The following FEZF1 variants were observed in gnomAD, a reference collection of about 807,000 sequenced individuals.
FEZF1 encodes fez family zinc finger protein 1.
Under a neutral mutation model 32.4 loss-of-function variants are expected in FEZF1, and 8 were observed. The ratio of observed to expected loss-of-function variants is 0.25; its 90% CI spans 0.15 to 0.45. FEZF1 has a LOEUF of 0.45. FEZF1 is among the 20% of genes least tolerant of loss of function. FEZF1 has a pLI of 1.00. For synonymous variants in FEZF1, 259 were observed against 265.2 expected (o/e 0.98, Z 0.23); for missense variants, 546 against 622.3 (o/e 0.88, Z 1.31).
upstream of FEZF1, among the ~76,000 whole-genome samples, chr7:122,307,768 CTTGAGTT>C (rs2031324689): frequency 6.6e-6 from 1 of 152,220 alleles, no homozygotes; most frequent in African/African-American, 2.4e-5. Flanking sequence ...TTAAGATGGC[CTTGAGTT>C]TACTAAAGAC....
Position 122,302,122 on chromosome 7 carries a change from C to CA in FEZF1, c.1302dup (p.Gly435TrpfsTer6). The CA allele has an allele frequency of 1.2e-6, 2 of 1,613,904 alleles. No individual in the cohort carries two copies. The highest frequency in any genetic ancestry group is 1.7e-6 in the Non-Finnish European group (2 of 1,179,944). Reference sequence around the variant, plus strand: ...GGCGGCGGTTCAGTGCCTGGTTCGCCAGCTGGCGTGCGGGCCAGCCCCAGG... The same window carrying CA: ...GGCGGCGGTTCAGTGCCTGGTTCGCCAAGCTGGCGTGCGGGCCAGCCCCAGG... On this transcript the variant is annotated frameshift_variant, in exon 4 of 4. Transcript: ENST00000442488. LOFTEE classifies it high-confidence loss of function. This position sits in a 1 kb window ranked among gnomAD's most constrained non-coding sequence, Gnocchi z 4.4.
At position 122,303,897 on chromosome 7, in the gene FEZF1, C is replaced by T. The variant is rs761133760; in HGVS notation, c.541G>A (p.Val181Met). 3 of 1,613,768 alleles carry T rather than the reference C, an allele frequency of 1.9e-6. No homozygotes were observed. The highest frequency in any genetic ancestry group is 4.5e-5 in the East Asian group (2 of 44,876). The change falls in exon 1 of 4, where the codon GTG becomes ATG. Residue 181 changes from valine (V) to methionine (M), a missense_variant. Physicochemically the swap from Val to Met is conservative, Grantham distance 21. This residue lies in a region of FEZF1 where 345 missense variants were observed against 360.6 expected (regional missense o/e 0.96). Transcript: ENST00000442488. ...GGGGAACTGAGGAAGTAGGAGGCCA[C>T]CGGGTGGATGTTCACGCCGGCTGCC... is the stretch of plus-strand genomic sequence containing the variant. ...HPAAGVNIHP[V>M]ASYFLSSPLH...
chr7:122,303,521 GGAAGGAAGGAA>G (rs1563042077), intron 1 of FEZF1, 105 bp downstream of exon 1: 14,413 of 480,652 alleles, frequency 0.03, 332 homozygotes, highest in Non-Finnish European at 0.032. Context: ...AAGGAAGGAA[GGAAGGAAGGAA>G]GGAAGGAGGG....
rs762303470 is a variant in FEZF1, at chr7:122,302,275, C to G, written c.1150G>C (p.Val384Leu). 1.2e-6 allele frequency: 2 copies of G among 1,614,162 alleles called. No homozygotes were observed. The highest frequency in any genetic ancestry group is 1.7e-6 in the Non-Finnish European group (2 of 1,180,038). Residue 384 changes from valine to leucine, a missense_variant, in exon 4 of 4, where the codon GTT becomes CTT. This residue lies in a region of FEZF1 where 118 missense variants were observed against 188.7 expected (regional missense o/e 0.63). Coordinates refer to ENST00000442488, the MANE Select transcript of FEZF1 (RefSeq NM_001024613.4). This position sits in a 1 kb window ranked among gnomAD's most constrained non-coding sequence, Gnocchi z 4.4. ...TGCATGTGGAAGGTGAGGTTGTAAA[C>G]CTGGTGGAAAGCCTTGTTGCAGATA... is the stretch of plus-strand genomic sequence containing the variant. Reference protein sequence around the residue: ...CNICNKAFHQVYNLTFHMHTH... With the variant: ...CNICNKAFHQLYNLTFHMHTH...
chr7:122,302,695 G>A lies in FEZF1; in HGVS notation c.1069+104C>T, dbSNP rs375312717. 2.4e-6 allele frequency: 3 copies of A among 1,258,042 alleles called. No individual in the cohort carries two copies. In the Admixed American group the frequency reaches 5.7e-5, roughly 24 times the overall value. The allele number at this position is 1,258,042 out of a possible 1,614,324, so 77.9% of individuals were successfully genotyped here. A position where few individuals can be genotyped will look rare whatever the true frequency, so the allele number is the denominator to read the frequency against. ...AGGGAGTTAGAATGGCAACAAAAGTGCCACATAACTACACTTTAAACATCG... is the reference window on the plus strand; with the variant it reads ...AGGGAGTTAGAATGGCAACAAAAGTACCACATAACTACACTTTAAACATCG... On this transcript the variant is annotated intron_variant, in intron 3 of 3. Transcript: ENST00000442488. The surrounding 1 kb of genome is among the most constrained non-coding windows in gnomAD (Gnocchi z 4.4).
At chr7:122,309,266 T>C (rs1251742035), upstream of FEZF1, among the ~76,000 whole-genome samples, 2 of 152,240 alleles carry the variant, frequency 1.3e-5, no homozygotes, top group Non-Finnish European at 2.9e-5. Context: ...AAGGACAGTA[T>C]CACAGGTTAT....
chr7:122,302,142 C>T lies in FEZF1; in HGVS notation c.1283G>A (p.Gly428Glu). 1 of 1,614,128 alleles carries T rather than the reference C, an allele frequency of 6.2e-7. No individual in the cohort carries two copies. Among genetic ancestry groups the T allele is most frequent in the Non-Finnish European group, 8.5e-7 (1 of 1,180,016 alleles). Residue 428 changes from glycine (G) to glutamate (E), a missense_variant, in exon 4 of 4, where the codon GGG (glycine) becomes GAG (glutamate). Physicochemically the swap from Gly to Glu is moderately conservative, Grantham distance 98. This residue lies in a region of FEZF1 where 83 missense variants were observed against 73.0 expected (regional missense o/e 1.14). Coordinates refer to ENST00000442488, the MANE Select transcript of FEZF1 (RefSeq NM_001024613.4). The surrounding 1 kb of genome is among the most constrained non-coding windows in gnomAD (Gnocchi z 4.4). ...HVRKLHDSSL[G>E]LARTPAGEPG... The stretch of plus-strand genomic sequence containing the variant: ...TTCGCCAGCTGGCGTGCGGGCCAGC[C>T]CCAGGCTGCTGTCGTGCAGCTTGCG...
intron 1 of FEZF1, 124 bp downstream of exon 1, chr7:122,303,511 AAG>A: frequency 1.8e-6 from 1 of 558,756 alleles, no homozygotes; most frequent in South Asian, 2.1e-5. Context: ...GGAAGGAAGG[AAG>A]GAAGGAAGGA....
At position 122,303,183 on chromosome 7, in the gene FEZF1, G is replaced by A. The variant is rs948554009; in HGVS notation, c.930C>T (p.His310=). 2 of 1,614,066 alleles carry A rather than the reference G, an allele frequency of 1.2e-6. No homozygotes were observed. The highest frequency in any genetic ancestry group is 1.3e-5 in the African/African-American group (1 of 74,934). ...TTGAGACAGATGAACACACCTGCGT[G>A]TGAATGATCTTGTGCCTGCACAGGG... The part of the protein sequence containing the change: ...ASTLCRHKII[H]TQEKPHKCNQ... The change falls in exon 2 of 4, where the codon CAC becomes CAT. Residue 310 remains histidine, a synonymous_variant. Coordinates refer to ENST00000442488, the MANE Select transcript of FEZF1 (RefSeq NM_001024613.4).
At chr7:122,307,670 T>C (rs2031322252), upstream of FEZF1, among the ~76,000 whole-genome samples, 1 of 152,284 alleles carries the variant, frequency 6.6e-6, no homozygotes, top group South Asian at 2.1e-4. Context: ...TTTTCACTAG[T>C]CTTTTCAGGA....
exon 1 of FEZF1, chr7:122,310,408 G>T (rs970286601): frequency 6.6e-6 from 1 of 152,316 alleles, no homozygotes; most frequent in African/African-American, 2.4e-5. Flanking sequence ...AGCCCGAAGT[G>T]AAACAGAAAA....
upstream of FEZF1, chr7:122,309,656 A>G (rs1410286985): frequency 2.0e-5 from 3 of 152,224 alleles, no homozygotes; most frequent in East Asian, 3.8e-4. Context: ...AAAGAAGTTT[A>G]TAAAACAAGT....
rs1294059044 is a variant in FEZF1 at position 122,303,544 on chromosome 7, GGGAAGGAAGGAGGGAA to G, written c.801+77_801+92del. On this transcript the variant is annotated intron_variant, in intron 1 of 3. Coordinates refer to ENST00000442488, the MANE Select transcript of FEZF1 (RefSeq NM_001024613.4). ...AAGGAAGGAAGGAAGGAAGGAGGGA[GGGAAGGAAGGAGGGAA>G]GGAGGGAGGGAGGGAGGGAAGGAAG... The G allele has an allele frequency of 2.3e-3, 700 of 301,650 alleles. 3 individuals are homozygous for G. Among genetic ancestry groups the G allele is most frequent in the Non-Finnish European group, 3.7e-3 (552 of 148,838 alleles). The allele number at this position is 301,650 out of a possible 1,614,324, so 18.7% of individuals were successfully genotyped here. A position where few individuals can be genotyped will look rare whatever the true frequency, so the allele number is the denominator to read the frequency against.
At position 122,304,315 on chromosome 7, in the gene FEZF1, TG is replaced by T. The variant is rs1563043535; in HGVS notation, c.122del (p.Pro41GlnfsTer34). On this transcript the variant is annotated frameshift_variant, in exon 1 of 4. Transcript: ENST00000442488. LOFTEE classifies it high-confidence loss of function. ...FSIERIMART[P>X]EPKALPVPHF... is the part of the protein sequence containing the mutation. ...GGGGGACTGGCAGGGCCTTGGGCTCTGGGGTGCGCGCCATGATTCGTTCAAT... is the reference window on the plus strand; with the variant it reads ...GGGGGACTGGCAGGGCCTTGGGCTCTGGGTGCGCGCCATGATTCGTTCAAT... 1 of 1,613,256 alleles carries T rather than the reference TG, an allele frequency of 6.2e-7. No individual in the cohort carries two copies. The highest frequency in any genetic ancestry group is 1.1e-5 in the South Asian group (1 of 90,934).
exon 1 of FEZF1, chr7:122,310,616 C>G (rs932827693): frequency 6.6e-5 from 10 of 152,344 alleles, no homozygotes; most frequent in African/African-American, 2.2e-4. Flanking sequence ...CGCTGCCGGG[C>G]TGGGGCTCCC....
chr7:122,303,172 C>T lies in FEZF1; in HGVS notation c.936+5G>A. The T allele has an allele frequency of 6.2e-7, 1 of 1,614,120 alleles. No homozygotes were observed. Among genetic ancestry groups the T allele is most frequent in the South Asian group, 1.1e-5 (1 of 91,070 alleles). The stretch of plus-strand genomic sequence containing the variant: ...ACTAGGTGAAATTGAGACAGATGAA[C>T]ACACCTGCGTGTGAATGATCTTGTG... On this transcript the variant is annotated splice_donor_5th_base_variant and intron_variant, in intron 2 of 3. Transcript: ENST00000442488.
rs74961049 is a variant in FEZF1, at chr7:122,303,842, G to A, written c.596C>T (p.Ala199Val). The change falls in exon 1 of 4, where the codon GCC (alanine) becomes GTC (valine). Residue 199 changes from alanine (A) to valine (V), a missense_variant. This residue lies in a region of FEZF1 where 345 missense variants were observed against 360.6 expected (regional missense o/e 0.96). Coordinates refer to ENST00000442488, the MANE Select transcript of FEZF1 (RefSeq NM_001024613.4). Reference sequence around the variant, plus strand: ...CGGGACCACCAGTTTATTCCTTTCGGCTAAATACGTTTTTGGCTGCGGGTG... The same window carrying A: ...CGGGACCACCAGTTTATTCCTTTCGACTAAATACGTTTTTGGCTGCGGGTG... ...PLHPQPKTYLAERNKLVVPAV... is the reference protein window; with the variant it reads ...PLHPQPKTYLVERNKLVVPAV... 1.9e-6 allele frequency: 3 copies of A among 1,614,200 alleles called. No individual in the cohort carries two copies. The highest frequency in any genetic ancestry group is 2.5e-6 in the Non-Finnish European group (3 of 1,180,038).
intron 1 of FEZF1, 119 bp from the exon 2 acceptor site, chr7:122,303,430 C>G: frequency 8.1e-7 from 1 of 1,230,610 alleles, no homozygotes; most frequent in Non-Finnish European, 1.1e-6. Flanking sequence ...ATAATTACCC[C>G]CAAAATACTA....
rs1169950634 is a variant in FEZF1, at chr7:122,301,666, T to TAAACA, written c.*326_*330dup. On this transcript the variant is annotated 3_prime_UTR_variant, in exon 4 of 4. Transcript: ENST00000442488. Reference sequence around the variant, plus strand: ...TCAATAAATATAGCAGAAATTTGTTTAAACAAAACAAAACAAAATAAACAC... The same window carrying TAAACA: ...TCAATAAATATAGCAGAAATTTGTTTAAACAAAACAAAACAAAACAAAATAAACAC... The TAAACA allele has an allele frequency of 7.4e-6, 2 of 269,526 alleles. No individual in the cohort carries two copies. The highest frequency in any genetic ancestry group is 5.4e-5 in the Admixed American group (1 of 18,624). The allele number at this position is 269,526 out of a possible 1,614,324, so 16.7% of individuals were successfully genotyped here. A position where few individuals can be genotyped will look rare whatever the true frequency, so the allele number is the denominator to read the frequency against.
Sources: gnomAD v4.1 joint callset for allele counts (sites outside exome capture counted in the v4.1 genomes callset) on GRCh38, gnomAD v4.1.1 for gene constraint, gnomAD v4.1.1 regional missense constraint, Gnocchi (gnomAD v3.1) non-coding constraint, MANE v1.5 for transcripts, NCBI Gene and HGNC (gene_info 2026-07-23, HGNC 2026-07-21) for gene names.